CSMD3: variants seen among roughly 807,000 people sequenced by gnomAD.
CSMD3 encodes CUB and Sushi multiple domains 3, also known as CUB and sushi domain-containing protein 3.
CSMD3 carries 177 observed loss-of-function variants against 435.2 expected under a neutral mutation model. The observed-to-expected ratio is 0.41, with a 90% CI of 0.36 to 0.46. The LOEUF (loss-of-function observed/expected upper bound fraction) is 0.46. Ranked by LOEUF, CSMD3 falls within the 20% of genes least tolerant of loss-of-function variation. The pLI, the probability that CSMD3 is intolerant of heterozygous loss-of-function variation, is 0.34. For missense variants in CSMD3, 4,265 were observed against 4,504.6 expected, an observed-to-expected ratio of 0.95 and a Z score of 1.52; for synonymous variants, 1,656 against 1,520.5, an observed-to-expected ratio of 1.09 and a Z score of -2.07.
chr8:112,831,156 G>T (rs2079860052), intron 11 of CSMD3, among the ~76,000 whole-genome samples: 1 of 152,074 alleles, frequency 6.6e-6, no homozygotes, highest in Non-Finnish European at 1.5e-5. Context: ...TAAAACAATT[G>T]TTTTGGCCAA....
At chr8:112,540,539 A>G (rs935030556) in intron 27 of CSMD3, among the ~76,000 whole-genome samples, 3 of 152,036 alleles carry the variant, frequency 2.0e-5, no homozygotes, top group Non-Finnish European at 4.4e-5. Flanking sequence ...CCATCATTTG[A>G]TGAGTGGATA....
intron 13 of CSMD3, among the ~76,000 whole-genome samples, chr8:112,695,603 T>C (rs2076234711): frequency 6.6e-6 from 1 of 152,182 alleles, no homozygotes; most frequent in African/African-American, 2.4e-5. Flanking sequence ...GAGCTATCTA[T>C]GAAAAACCCA....
At chr8:112,306,904 T>C (rs1185346675) in intron 50 of CSMD3, among the ~76,000 whole-genome samples, 1 of 152,124 alleles carries the variant, frequency 6.6e-6, no homozygotes, top group Non-Finnish European at 1.5e-5. Context: ...TAATGTAAAA[T>C]GTTATATTTG....
At chr8:113,065,563 T>C (rs901592374) in intron 5 of CSMD3, among the ~76,000 whole-genome samples, 3 of 152,068 alleles carry the variant, frequency 2.0e-5, no homozygotes, top group Admixed American at 6.6e-5. Flanking sequence ...ATTTTTTTTG[T>C]ATTTTTAGTA....
At chr8:112,392,605 A>G (rs574167218) in intron 35 of CSMD3, among the ~76,000 whole-genome samples, 1 of 151,966 alleles carries the variant, frequency 6.6e-6, no homozygotes, top group Non-Finnish European at 1.5e-5. Context: ...TGAAAAAAAA[A>G]TACTTTATAG....
chr8:112,395,747 G>A (rs962275452), intron 35 of CSMD3, among the ~76,000 whole-genome samples: 5 of 152,104 alleles, frequency 3.3e-5, no homozygotes. Context: ...GAATCACAGA[G>A]TCTAAAAGGG....
At chr8:112,429,442 T>C (rs1000809909) in intron 32 of CSMD3, among the ~76,000 whole-genome samples, 5 of 152,028 alleles carry the variant, frequency 3.3e-5, no homozygotes, top group Admixed American at 1.3e-4. Context: ...AAGATATATA[T>C]ATATAGTTCA....
intron 53 of CSMD3, among the ~76,000 whole-genome samples, chr8:112,297,249 CAAA>C (rs10551780): frequency 6.0e-5 from 7 of 115,800 alleles, no homozygotes; most frequent in South Asian, 2.6e-4. Context: ...AGTAAAGCCT[CAAA>C]AAAAAAAAAA....
chr8:112,315,737 C>A (rs1822399227), intron 47 of CSMD3, among the ~76,000 whole-genome samples: 1 of 151,794 alleles, frequency 6.6e-6, no homozygotes, highest in South Asian at 2.1e-4. Flanking sequence ...AATGGGTGAA[C>A]TAGATAATTT....
chr8:112,681,137 C>T (rs1019219756), intron 16 of CSMD3, among the ~76,000 whole-genome samples: 3 of 151,278 alleles, frequency 2.0e-5, no homozygotes, highest in African/African-American at 4.8e-5. Context: ...CAGGTTCAAG[C>T]GATTCCCCTG....
At chr8:113,026,262 CA>C (rs1287943964) in intron 5 of CSMD3, among the ~76,000 whole-genome samples, 3 of 152,190 alleles carry the variant, frequency 2.0e-5, no homozygotes, top group African/African-American at 7.2e-5. Context: ...CTCATCCCAG[CA>C]GGGGGAACAG....
At chr8:112,291,379 C>A (rs1819746015) in intron 56 of CSMD3, 131 bp downstream of exon 56, 2 of 715,128 alleles carry the variant, frequency 2.8e-6, no homozygotes, top group Admixed American at 2.7e-5. Context: ...AGTATAATTT[C>A]AAAACAGTAA....
At chr8:113,403,098 G>T (rs1022944615) in intron 1 of CSMD3, among the ~76,000 whole-genome samples, 1 of 151,236 alleles carries the variant, frequency 6.6e-6, no homozygotes, top group Non-Finnish European at 1.5e-5. Context: ...TACTAAACTA[G>T]AAATGAATTG....
chr8:113,188,627 G>C (rs1449329316), intron 3 of CSMD3, among the ~76,000 whole-genome samples: 2 of 151,968 alleles, frequency 1.3e-5, no homozygotes, highest in Admixed American at 6.6e-5. Flanking sequence ...AATTCTAAAA[G>C]TATGGGAGAA....
chr8:112,654,519 G>T (rs572653517), intron 18 of CSMD3, among the ~76,000 whole-genome samples: 1 of 152,280 alleles, frequency 6.6e-6, no homozygotes, highest in South Asian at 2.1e-4. Context: ...CTTCCACTTT[G>T]CCTTTTAAGG....
chr8:112,562,897 T>C (rs896879604), intron 24 of CSMD3, among the ~76,000 whole-genome samples: 3 of 151,800 alleles, frequency 2.0e-5, no homozygotes, highest in African/African-American at 7.2e-5. Context: ...TTAGCTAACA[T>C]ACTTTCCCAA....
intron 70 of CSMD3, among the ~76,000 whole-genome samples, chr8:112,225,530 A>G (rs1586442710): frequency 6.6e-6 from 1 of 152,140 alleles, no homozygotes; most frequent in East Asian, 1.9e-4. Context: ...AATAGAACAA[A>G]GCATCTTTTA....
intron 59 of CSMD3, among the ~76,000 whole-genome samples, chr8:112,267,770 T>G (rs78507116): frequency 1.3e-5 from 2 of 152,086 alleles, no homozygotes; most frequent in Admixed American, 6.6e-5. Context: ...GGCACCACCA[T>G]GAATGAAATG....
intron 28 of CSMD3, among the ~76,000 whole-genome samples, chr8:112,514,247 A>G (rs192597630): frequency 9.2e-4 from 140 of 152,296 alleles, no homozygotes; most frequent in Admixed American, 1.5e-3. Context: ...AAAACCTACG[A>G]AAGCCAACAA....
Sources: allele counts gnomAD v4.1 joint callset (sites outside exome capture counted in the v4.1 genomes callset), GRCh38; gene constraint gnomAD v4.1.1; transcripts MANE v1.5; gene names NCBI Gene and HGNC (gene_info 2026-07-23, HGNC 2026-07-21).